Variants in KAT2B observed in about 807,000 individuals in gnomAD.
KAT2B encodes the protein lysine acetyltransferase 2B, also known as histone acetyltransferase KAT2B.
KAT2B carries 36 observed loss-of-function variants against 105.9 expected under a neutral mutation model. The ratio of observed to expected loss-of-function variants is 0.34; its 90% CI spans 0.26 to 0.45. The LOEUF is 0.45. KAT2B is among the 20% of genes least tolerant of loss of function. The pLI, the probability that KAT2B is intolerant of heterozygous loss-of-function variation, is 1.00. For missense variants in KAT2B, 820 were observed against 1,021.6 expected (o/e 0.80, Z 2.69); for synonymous variants, 397 against 377.9 (o/e 1.05, Z -0.59).
In KAT2B at chr3:20,072,375, C is replaced by G. The variant is rs750101129; in HGVS notation, c.346C>G (p.Pro116Ala). 1.2e-6 allele frequency: 2 copies of G among 1,612,926 alleles called. No individual in the cohort carries two copies. Among genetic ancestry groups the G allele is most frequent in the Non-Finnish European group, 1.7e-6 (2 of 1,178,992 alleles). ...ATGTAATGGCTGGAAAAACCCTAAC[C>G]CCTCACCCACTCCCCCCAGAGCCGA... ...CKCNGWKNPN[P>A]SPTPPRADLQ... is the part of the protein sequence containing the mutation. The change falls in exon 2 of 18, where the codon CCC becomes GCC. Residue 116 changes from proline (P) to alanine (A), a missense_variant. Physicochemically the swap from Pro to Ala is conservative, Grantham distance 27. This residue lies in a region of KAT2B where 190 missense variants were observed against 176.7 expected (regional missense o/e 1.08). Coordinates refer to ENST00000263754, the MANE Select transcript of KAT2B (RefSeq NM_003884.5).
intron 1 of KAT2B, among the ~76,000 whole-genome samples, chr3:20,048,313 A>G (rs752159455): frequency 1.3e-5 from 2 of 152,232 alleles, no homozygotes; most frequent in African/African-American, 2.4e-5. Flanking sequence ...GTAGTTTTAT[A>G]TAACTGAGAA....
At chr3:20,041,947 C>T (rs1001888199) in intron 1 of KAT2B, among the ~76,000 whole-genome samples, 1 of 152,200 alleles carries the variant, frequency 6.6e-6, no homozygotes, top group African/African-American at 2.4e-5. Flanking sequence ...AATGTCTATG[C>T]TTGCTCTTTT....
intron 5 of KAT2B, among the ~76,000 whole-genome samples, chr3:20,110,447 G>A (rs1035266161): frequency 2.0e-5 from 3 of 151,914 alleles, no homozygotes; most frequent in African/African-American, 7.3e-5. Context: ...GAGGTGGGTG[G>A]ATCTCTTTAG....
intron 11 of KAT2B, among the ~76,000 whole-genome samples, chr3:20,128,751 T>C (rs1699454812): frequency 6.6e-6 from 1 of 152,186 alleles, no homozygotes; most frequent in Non-Finnish European, 1.5e-5. Flanking sequence ...CTCACACCTG[T>C]AATCCTAGCA....
intron 5 of KAT2B, among the ~76,000 whole-genome samples, chr3:20,104,787 A>T (rs940737673): frequency 6.6e-6 from 1 of 152,246 alleles, no homozygotes; most frequent in Non-Finnish European, 1.5e-5. Context: ...GTAAATATTT[A>T]TTCCATAAAA....
chr3:20,076,996 T>A (rs551709679), intron 2 of KAT2B, among the ~76,000 whole-genome samples: 19 of 152,352 alleles, frequency 1.2e-4, no homozygotes, highest in African/African-American at 4.6e-4. Context: ...ATGTTGGGTT[T>A]CTTTTGCCTC....
At chr3:20,119,860 AT>A in intron 8 of KAT2B, 137 bp downstream of exon 8, 1 of 892,060 alleles carries the variant, frequency 1.1e-6, no homozygotes, top group Non-Finnish European at 1.7e-6. Context: ...ATAACTTTGT[AT>A]TAGGCTTTTG....
intron 5 of KAT2B, among the ~76,000 whole-genome samples, chr3:20,102,692 A>G (rs1176280395): frequency 6.6e-6 from 1 of 152,242 alleles, no homozygotes; most frequent in Non-Finnish European, 1.5e-5. Flanking sequence ...TACAAAATAT[A>G]AGGACCTACA....
At chr3:20,133,026 T>C (rs1699538331) in intron 11 of KAT2B, among the ~76,000 whole-genome samples, 1 of 152,200 alleles carries the variant, frequency 6.6e-6, no homozygotes, top group South Asian at 2.1e-4. Context: ...TTCCTCTAGT[T>C]AAAAAAATTT....
chr3:20,089,496 G>T (rs1174678622), intron 2 of KAT2B, among the ~76,000 whole-genome samples: 1 of 150,396 alleles, frequency 6.6e-6, no homozygotes, highest in Non-Finnish European at 1.5e-5. Context: ...TGCCTCCCAG[G>T]TTCAAGTGAT....
intron 1 of KAT2B, among the ~76,000 whole-genome samples, chr3:20,064,655 G>C (rs1466423505): frequency 6.6e-6 from 1 of 152,146 alleles, no homozygotes; most frequent in African/African-American, 2.4e-5. Flanking sequence ...CCCCAGGCAA[G>C]TCTCTTATCA....
At chr3:20,091,798 T>G (rs1368462613) in intron 2 of KAT2B, among the ~76,000 whole-genome samples, 1 of 152,192 alleles carries the variant, frequency 6.6e-6, no homozygotes, top group Non-Finnish European at 1.5e-5. Flanking sequence ...TTTGTAAATT[T>G]TCCAAAATTC....
rs1559514522 is a variant in KAT2B at position 20,062,282 on chromosome 3, AATATAAT to A, written c.304-10037_304-10031del. 6.9e-3 allele frequency among the ~76,000 whole-genome samples: 353 copies of A among 50,816 alleles called. 23 individuals are homozygous for A. The highest frequency in any genetic ancestry group is 0.022 in the African/African-American group (337 of 15,044). The allele number at this position is 50,816 out of a possible 152,430, so 33.3% of individuals were successfully genotyped here. ...ATGATATATAATATATAATATATAA[AATATAAT>A]ATATAATATATAAAATATAATATAT... On this transcript the variant is annotated intron_variant, in intron 1 of 17. Transcript: ENST00000263754.
intron 2 of KAT2B, among the ~76,000 whole-genome samples, chr3:20,082,459 T>C (rs574691255): frequency 1.3e-5 from 2 of 152,220 alleles, no homozygotes; most frequent in Non-Finnish European, 2.9e-5. Context: ...ATGTTCTTTA[T>C]AACATATTTT....
chr3:20,089,802 A>G (rs80311609), intron 2 of KAT2B, among the ~76,000 whole-genome samples: 6,559 of 152,170 alleles, frequency 0.043, 193 homozygotes, highest in South Asian at 0.076. Flanking sequence ...GCTGTTATAA[A>G]TGAGATTGTT....
At chr3:20,089,904 T>C (rs1362720303) in intron 2 of KAT2B, among the ~76,000 whole-genome samples, 2 of 151,906 alleles carry the variant, frequency 1.3e-5, no homozygotes, top group Non-Finnish European at 2.9e-5. Context: ...CCCAATGCTT[T>C]AGGAGGTGGA....
At chr3:20,066,546 G>T (rs1698225597) in intron 1 of KAT2B, among the ~76,000 whole-genome samples, 1 of 151,960 alleles carries the variant, frequency 6.6e-6, no homozygotes, top group South Asian at 2.1e-4. Context: ...TTACAGGCAT[G>T]TGTCACTATG....
rs763639026 is a variant in KAT2B at position 20,118,616 on chromosome 3, G to A, written c.1151-982G>A. On this transcript the variant is annotated intron_variant, in intron 7 of 17. Coordinates refer to ENST00000263754, the MANE Select transcript of KAT2B (RefSeq NM_003884.5). ...CAGGCACCTGTAATCTCAGCTACTC[G>A]GGAGGCTGAGGCAGGAGAATAGCTT... is the stretch of plus-strand genomic sequence containing the variant. 5.3e-5 allele frequency among the ~76,000 whole-genome samples: 8 copies of A among 149,562 alleles called. No individual in the cohort carries two copies. In the East Asian group the frequency reaches 1.4e-3, roughly 26 times the overall value.
intron 8 of KAT2B, 95 bp downstream of exon 8, chr3:20,119,818 A>AT (rs1246293638): frequency 1.3e-5 from 18 of 1,335,034 alleles, no homozygotes; most frequent in Non-Finnish European, 1.7e-5. Context: ...CCAAGTACAG[A>AT]TTGTGCATGT....
Sources: gnomAD v4.1 joint callset for allele counts (sites outside exome capture counted in the v4.1 genomes callset) on GRCh38, gnomAD v4.1.1 for gene constraint, gnomAD v4.1.1 regional missense constraint, MANE v1.5 for transcripts, NCBI Gene and HGNC (gene_info 2026-07-23, HGNC 2026-07-21) for gene names.